ILF2: variants seen among roughly 807,000 people sequenced by gnomAD.
ILF2 encodes the protein interleukin enhancer-binding factor 2.
Under a neutral mutation model 55.3 loss-of-function variants are expected in ILF2, and 9 were observed. The observed-to-expected ratio is 0.16, with a 90% CI of 0.10 to 0.28. ILF2 has a LOEUF of 0.28. Among genes scored for constraint, ILF2 ranks in the 10% least tolerant of loss-of-function variants. ILF2 has a pLI of 1.00. For missense variants in ILF2, 266 were observed against 474.9 expected (o/e 0.56, Z 4.09); for synonymous variants, 151 against 161.8 (o/e 0.93, Z 0.50).
chr1:153,663,373 G>T, intron 10 of ILF2, 97 bp from the exon 11 acceptor site: 1 of 1,162,876 alleles, frequency 8.6e-7, no homozygotes, highest in Non-Finnish European at 1.3e-6. Flanking sequence ...TTGTCATCCA[G>T]GCTGGAGTGC....
intron 2 of ILF2, 143 bp from the exon 3 acceptor site, chr1:153,670,021 G>A (rs1669405138): frequency 9.3e-7 from 1 of 1,076,258 alleles, no homozygotes; most frequent in Non-Finnish European, 1.4e-6. Context: ...TCTTAGCATA[G>A]TGGGGCCAAA....
chr1:153,663,883 T>C (rs1301821478), intron 10 of ILF2, among the ~76,000 whole-genome samples, 160 bp downstream of exon 10: 1 of 152,062 alleles, frequency 6.6e-6, no homozygotes, highest in Non-Finnish European at 1.5e-5. Context: ...GTTGAATTTT[T>C]ATTGGATTAC....
Position 153,664,490 on chromosome 1 carries a change from T to C in ILF2, c.578-16A>G, listed in dbSNP as rs1669256961. On this transcript the variant is annotated splice_polypyrimidine_tract_variant and intron_variant, in intron 8 of 13. Transcript: ENST00000361891. ...TTGATATCCACTAAAAAGACAAGCA[T>C]GATATGCCAGGATGAAACATTTTCA... 2.5e-6 allele frequency: 4 copies of C among 1,593,774 alleles called. No individual in the cohort carries two copies. Among genetic ancestry groups the C allele is most frequent in the Non-Finnish European group, 2.6e-6 (3 of 1,161,680 alleles).
chr1:153,668,202 A>G (rs1669357483), intron 4 of ILF2, 125 bp from the exon 5 acceptor site: 1 of 790,620 alleles, frequency 1.3e-6, no homozygotes, highest in African/African-American at 1.7e-5. Flanking sequence ...CTTTAAAAAC[A>G]CTTCATTCTG....
chr1:153,665,589 G>C (rs753018166), intron 7 of ILF2, 74 bp downstream of exon 7: 2 of 1,255,850 alleles, frequency 1.6e-6, no homozygotes, highest in Admixed American at 3.4e-5. Context: ...ATCTGATTTT[G>C]TTGAAAGTGT....
chr1:153,667,914 C>T, intron 5 of ILF2, 86 bp downstream of exon 5: 1 of 959,932 alleles, frequency 1.0e-6, no homozygotes, highest in Non-Finnish European at 1.6e-6. Flanking sequence ...GGATAATAGA[C>T]AACTGAAAAT....
Position 153,670,201 on chromosome 1 carries a change from C to T in ILF2, c.35G>A (p.Arg12His). Residue 12 changes from arginine (R) to histidine (H), a missense_variant, in exon 2 of 14, where the codon CGC becomes CAC. Physicochemically the swap from Arg to His is conservative, Grantham distance 29 (BLOSUM62 0). Coordinates refer to ENST00000361891, the MANE Select transcript of ILF2 (RefSeq NM_004515.4). ...RGDRGRGRGG[R>H]FGSRGGPGGG... ...TCCTGGGCCTCCTCTGGAACCAAAG[C>T]GCCCACCACGACCACGGCCTCTGTC... is the stretch of plus-strand genomic sequence containing the variant. 1.2e-6 allele frequency: 2 copies of T among 1,614,048 alleles called. No homozygotes were observed. Among genetic ancestry groups the T allele is most frequent in the Non-Finnish European group, 8.5e-7 (1 of 1,180,002 alleles).
In ILF2 at chr1:153,664,453, C is replaced by T. The variant is rs533482012; in HGVS notation, c.599G>A (p.Ser200Asn). The change falls in exon 9 of 14, where the codon AGT becomes AAT. Residue 200 changes from serine (S) to asparagine (N), a missense_variant. Coordinates refer to ENST00000361891, the MANE Select transcript of ILF2 (RefSeq NM_004515.4). Reference sequence around the variant, plus strand: ...GGCATGTCGGATGGCTGCTAAGGCACTCTGCAATACTTTGATATCCACTAA... The same window carrying T: ...GGCATGTCGGATGGCTGCTAAGGCATTCTGCAATACTTTGATATCCACTAA... The part of the protein sequence containing the change: ...ELHLDIKVLQ[S>N]ALAAIRHARW... The T allele has an allele frequency of 1.2e-6, 2 of 1,613,696 alleles. No homozygotes were observed. Among genetic ancestry groups the T allele is most frequent in the Non-Finnish European group, 1.7e-6 (2 of 1,179,720 alleles).
chr1:153,663,271 A>G lies in ILF2; in HGVS notation c.750T>C (p.His250=). 12 of 1,614,150 alleles carry G rather than the reference A, an allele frequency of 7.4e-6. No individual in the cohort carries two copies. Among genetic ancestry groups the G allele is most frequent in the Non-Finnish European group, 1.0e-5 (12 of 1,179,972 alleles). ...TGGTGGGGTTGTTCATCACAGCATAATGGCCCTGAAAAATAATAAATCCAG... is the reference window on the plus strand; with the variant it reads ...TGGTGGGGTTGTTCATCACAGCATAGTGGCCCTGAAAAATAATAAATCCAG... ...LTPWILDLLG[H]YAVMNNPTRQ... The change falls in exon 11 of 14, where the codon CAT becomes CAC. Residue 250 remains histidine, a synonymous_variant. Coordinates refer to ENST00000361891, the MANE Select transcript of ILF2 (RefSeq NM_004515.4).
At chr1:153,670,075 CA>C in intron 2 of ILF2, 95 bp downstream of exon 2, 1 of 1,379,984 alleles carries the variant, frequency 7.2e-7, no homozygotes, top group Non-Finnish European at 1.0e-6. Context: ...TTGGCTCTCG[CA>C]AAACCAAGTG....
chr1:153,669,928 G>C, intron 2 of ILF2, 50 bp from the exon 3 acceptor site: 7 of 1,475,866 alleles, frequency 4.7e-6, no homozygotes, highest in Non-Finnish European at 6.6e-6. Flanking sequence ...AATCAAGCGA[G>C]ATGTAAATAA....
At chr1:153,665,444 C>A in intron 7 of ILF2, 108 bp from the exon 8 acceptor site, 1 of 810,946 alleles carries the variant, frequency 1.2e-6, no homozygotes, top group Non-Finnish European at 2.1e-6. Context: ...AGCACAAAGT[C>A]CAGAATGAGA....
intron 7 of ILF2, 71 bp from the exon 8 acceptor site, chr1:153,665,407 G>C: frequency 9.8e-7 from 1 of 1,017,870 alleles, no homozygotes. Flanking sequence ...ATCCAGGGTG[G>C]GGGGGAACAG....
In ILF2 at chr1:153,665,212, G is replaced by A. The variant is rs1669277175; in HGVS notation, c.577+8C>T. ...AAATTTTCCAGCAATGGAAAAAAAAGAACTAACAATGGAGTTCTGGATCCA... is the reference window on the plus strand; with the variant it reads ...AAATTTTCCAGCAATGGAAAAAAAAAAACTAACAATGGAGTTCTGGATCCA... On this transcript the variant is annotated splice_region_variant and intron_variant, in intron 8 of 13. Coordinates refer to ENST00000361891, the MANE Select transcript of ILF2 (RefSeq NM_004515.4). 4 of 1,502,458 alleles carry A rather than the reference G, an allele frequency of 2.7e-6. No homozygotes were observed. The highest frequency in any genetic ancestry group is 2.7e-5 in the African/African-American group (2 of 72,766). 93.1% of individuals were successfully genotyped at this position (1,502,458 alleles called of 1,614,324 possible). A position where few individuals can be genotyped will look rare whatever the true frequency, so the allele number is the denominator to read the frequency against.
Position 153,663,121 on chromosome 1 carries a change from C to A in ILF2, c.819G>T (p.Gln273His). 1 of 1,614,132 alleles carries A rather than the reference C, an allele frequency of 6.2e-7. No individual in the cohort carries two copies. The highest frequency in any genetic ancestry group is 8.5e-7 in the Non-Finnish European group (1 of 1,180,016). The change falls in exon 12 of 14, where the codon CAG becomes CAT. Residue 273 changes from glutamine (Q) to histidine (H), a missense_variant. Coordinates refer to ENST00000361891, the MANE Select transcript of ILF2 (RefSeq NM_004515.4). ...GCAGGAACAGTCCTGCAGCCAGAAT[C>A]TGCAAGCAGCGCCTAGAACACAGGG... is the stretch of plus-strand genomic sequence containing the variant. ...ALNVAYRRCL[Q>H]ILAAGLFLPG...
rs1173204675 is a variant in ILF2, at chr1:153,663,071, G to A, written c.869C>T (p.Pro290Leu). Residue 290 changes from proline to leucine, a missense_variant, in exon 12 of 14, where the codon CCC (proline) becomes CTC (leucine). Physicochemically the swap from Pro to Leu is moderately conservative, Grantham distance 98. Coordinates refer to ENST00000361891, the MANE Select transcript of ILF2 (RefSeq NM_004515.4). ...TACTCTAAAGTTGCCACTCTCACAGGGGTCAGTGATACCCACTGAACCTGG... is the reference window on the plus strand; with the variant it reads ...TACTCTAAAGTTGCCACTCTCACAGAGGTCAGTGATACCCACTGAACCTGG... ...FLPGSVGITD[P>L]CESGNFRVHT... 1 of 1,614,078 alleles carries A rather than the reference G, an allele frequency of 6.2e-7. No homozygotes were observed. The highest frequency in any genetic ancestry group is 8.5e-7 in the Non-Finnish European group (1 of 1,180,002).
chr1:153,663,182 T>C (rs1399766087), intron 11 of ILF2, 33 bp downstream of exon 11: 1 of 1,614,036 alleles, frequency 6.2e-7, no homozygotes, highest in South Asian at 1.1e-5. Context: ...CAAAATAGTT[T>C]ACAACCAACC....
chr1:153,665,846 A>C (rs1669292883), intron 6 of ILF2, 118 bp from the exon 7 acceptor site: 3 of 757,322 alleles, frequency 4.0e-6, no homozygotes, highest in East Asian at 2.6e-5. Context: ...AGCAAGGGTA[A>C]GTAATAGAAT....
At chr1:153,666,404 G>GCC (rs1484108354) in intron 6 of ILF2, among the ~76,000 whole-genome samples, 4 of 152,078 alleles carry the variant, frequency 2.6e-5, no homozygotes, top group African/African-American at 9.7e-5. Context: ...GGCTGGTCTT[G>GCC]AACTCCAGGC....
Sources: allele counts gnomAD v4.1 joint callset (sites outside exome capture counted in the v4.1 genomes callset), GRCh38; gene constraint gnomAD v4.1.1; transcripts MANE v1.5; gene names NCBI Gene and HGNC (gene_info 2026-07-23, HGNC 2026-07-21).